The following OMD variants were observed in gnomAD, a reference collection of about 807,000 sequenced individuals.
OMD encodes the protein KSPG osteomodulin.
A neutral mutation model predicts 31.2 loss-of-function variants in OMD; 19 were observed. The ratio of observed to expected loss-of-function variants is 0.61; its 90% CI spans 0.42 to 0.89. OMD has a LOEUF of 0.89. Among genes scored for constraint, OMD ranks in the 40% least tolerant of loss-of-function variants. The pLI is 0.00. For synonymous variants in OMD, 155 were observed against 166.4 expected, an observed-to-expected ratio of 0.93 and a Z score of 0.53; for missense variants, 448 against 490.8, an observed-to-expected ratio of 0.91 and a Z score of 0.82.
rs536987656 is a variant in OMD, at chr9:92,415,233, A to T, written c.1185T>A (p.Asp395Glu). Residue 395 changes from aspartate (D) to glutamate (E), a missense_variant, in exon 3 of 3, where the codon GAT (aspartate) becomes GAA (glutamate). Coordinates refer to ENST00000375550, the MANE Select transcript of OMD (RefSeq NM_005014.3). ...CTGGGCTCTCATGAGCATTGTCAGG[A>T]TCATCGTGATCTTCACTTTCATCAT... ...DDDDESEDHD[D>E]PDNAHESPEQ... 28 of 1,613,794 alleles carry T rather than the reference A, an allele frequency of 1.7e-5. No homozygotes were observed. In the South Asian group the frequency reaches 2.1e-4, roughly 12 times the overall value.
In OMD at chr9:92,414,575, C is replaced by G. The variant is rs1468667275; in HGVS notation, c.*577G>C. On this transcript the variant is annotated 3_prime_UTR_variant, in exon 3 of 3. Transcript: ENST00000375550. Reference sequence around the variant, plus strand: ...CTTGGGTCCTTAGTACCTGGATGGCCTCTTACAAATCAAAAATATCATTCT... The same window carrying G: ...CTTGGGTCCTTAGTACCTGGATGGCGTCTTACAAATCAAAAATATCATTCT... 1 of 209,140 alleles carries G rather than the reference C, an allele frequency of 4.8e-6. No individual in the cohort carries two copies. Among genetic ancestry groups the G allele is most frequent in the African/African-American group, 2.3e-5 (1 of 43,960 alleles). The allele number at this position is 209,140 out of a possible 1,614,324, so 13.0% of individuals were successfully genotyped here.
intron 2 of OMD, among the ~76,000 whole-genome samples, chr9:92,416,068 A>ATATATTTATTTATT (rs1275784821): frequency 1.5e-5 from 2 of 136,998 alleles, no homozygotes; most frequent in East Asian, 2.1e-4. Flanking sequence ...GTATATATAT[A>ATATATTTATTTATT]TATTTATTTA....
rs1843527039 is a variant in OMD, at chr9:92,414,375, A to C, written c.*777T>G. 1 of 201,860 alleles carries C rather than the reference A, an allele frequency of 5.0e-6. No homozygotes were observed. Among genetic ancestry groups the C allele is most frequent in the Admixed American group, 6.0e-5 (1 of 16,702 alleles). The allele number at this position is 201,860 out of a possible 1,614,324, so 12.5% of individuals were successfully genotyped here. A position where few individuals can be genotyped will look rare whatever the true frequency, so the allele number is the denominator to read the frequency against. On this transcript the variant is annotated 3_prime_UTR_variant, in exon 3 of 3. Transcript: ENST00000375550. ...TGGTTGTATTTTTACAAAAACATTT[A>C]TCCCAGTTAAAATGGAACACAATAA...
rs769744070 is a variant in OMD at position 92,416,877 on chromosome 9, G to A, written c.682C>T (p.Pro228Ser). Reference sequence around the variant, plus strand: ...ATAAGTGAAGAAGGCAAACCAGGAGGCATTGATTCTAATCTGTTACTGCAG... The same window carrying A: ...ATAAGTGAAGAAGGCAAACCAGGAGACATTGATTCTAATCTGTTACTGCAG... ...NLCSNRLESM[P>S]PGLPSSLMYL... The change falls in exon 2 of 3, where the codon CCT becomes TCT. Residue 228 changes from proline (P) to serine (S), a missense_variant. Transcript: ENST00000375550. 1 of 1,613,930 alleles carries A rather than the reference G, an allele frequency of 6.2e-7. No individual in the cohort carries two copies. Among genetic ancestry groups the A allele is most frequent in the Admixed American group, 1.7e-5 (1 of 60,022 alleles).
intron 1 of OMD, among the ~76,000 whole-genome samples, chr9:92,420,375 T>G (rs1209865366): frequency 6.6e-6 from 1 of 152,198 alleles, no homozygotes; most frequent in Non-Finnish European, 1.5e-5. Flanking sequence ...ACTTTCTGGC[T>G]CCTTCAATCT....
At chr9:92,418,053 C>T (rs966517767) in intron 1 of OMD, among the ~76,000 whole-genome samples, 45 of 150,712 alleles carry the variant, frequency 3.0e-4, no homozygotes, top group Non-Finnish European at 4.4e-4. Flanking sequence ...TGTTTAAGTA[C>T]AAATGAAGTG....
Position 92,417,065 on chromosome 9 carries a change from T to C in OMD, c.494A>G (p.Glu165Gly). 1 of 1,613,986 alleles carries C rather than the reference T, an allele frequency of 6.2e-7. No individual in the cohort carries two copies. The highest frequency in any genetic ancestry group is 1.1e-5 in the South Asian group (1 of 91,078). Residue 165 changes from glutamate to glycine, a missense_variant, in exon 2 of 3, where the codon GAA becomes GGA. Transcript: ENST00000375550. ...TTCATTGTAACCAAGAAGGAGTCTT[T>C]CCAGAGATTTAGGAAGAGGAAATGG... ...EFPFPLPKSL[E>G]RLLLGYNEIS... is the part of the protein sequence containing the mutation.
rs771234753 is a variant in OMD, at chr9:92,415,293, T to C, written c.1125A>G (p.Leu375=). The change falls in exon 3 of 3, where the codon CTA becomes CTG. Residue 375 remains leucine (L), a synonymous_variant. Coordinates refer to ENST00000375550, the MANE Select transcript of OMD (RefSeq NM_005014.3). ...QRSTNGQTIQ[L]KTQVFRRFPD... ...GAAATCTCCTGAAAACTTGTGTCTT[T>C]AGTTGTATTGTTTGACCATTAGTGC... 5.6e-6 allele frequency: 9 copies of C among 1,613,786 alleles called. No homozygotes were observed. Among genetic ancestry groups the C allele is most frequent in the Non-Finnish European group, 7.6e-6 (9 of 1,179,818 alleles).
rs956435342 is a variant in OMD at position 92,415,855 on chromosome 9, A to G, written c.941-378T>C. On this transcript the variant is annotated intron_variant, in intron 2 of 2. Transcript: ENST00000375550. Reference sequence around the variant, plus strand: ...TATACATATATATAAAAAAATATATATATATAAAATTATATATTTCTTCTT... The same window carrying G: ...TATACATATATATAAAAAAATATATGTATATAAAATTATATATTTCTTCTT... Among the ~76,000 whole-genome samples the G allele has an allele frequency of 6.8e-5, 10 of 146,444 alleles. 2 individuals are homozygous for G. The highest frequency in any genetic ancestry group is 2.1e-4 in the South Asian group (1 of 4,772).
At chr9:92,420,617 T>C (rs541030251) in intron 1 of OMD, among the ~76,000 whole-genome samples, 2 of 152,310 alleles carry the variant, frequency 1.3e-5, no homozygotes, top group Admixed American at 1.3e-4. Context: ...TTATTCCCCA[T>C]TATTGTTTTT....
In OMD at chr9:92,422,000, T is replaced by G. The variant is rs373753827; in HGVS notation, c.-17+2202A>C. 2.1e-4 allele frequency among the ~76,000 whole-genome samples: 32 copies of G among 152,232 alleles called. No individual in the cohort carries two copies. The East Asian group carries it at 3.9e-3, about 18-fold the overall frequency. ...TACATTTTATACTCATTGATGATAT[T>G]TTATGTATAATTTTATAATATTTTA... On this transcript the variant is annotated intron_variant, in intron 1 of 2. Coordinates refer to ENST00000375550, the MANE Select transcript of OMD (RefSeq NM_005014.3).
Position 92,412,671 on chromosome 9 carries a change from G to A in OMD, c.*2481C>T, listed in dbSNP as rs1843476634. 6.6e-6 allele frequency among the ~76,000 whole-genome samples: 1 copy of A among 152,144 alleles called. No individual in the cohort carries two copies. On this transcript the variant is annotated 3_prime_UTR_variant, in exon 3 of 3. Transcript: ENST00000375550. ...TAATGTTTTCAAGGTTATCCATGTT[G>A]TAGCATATGTCAGTGCTTCGTTACT...
At position 92,417,129 on chromosome 9, in the gene OMD, G is replaced by A; in HGVS notation, c.430C>T (p.Leu144=). ...YGVFAKLPNL[L]QLHLEHNNLE... ...TTATTATGCTCTAGATGAAGTTGTA[G>A]TAGATTTGGAAGCTTAGCAAACACA... Residue 144 remains leucine, a synonymous_variant, in exon 2 of 3, where the codon CTA becomes TTA. Coordinates refer to ENST00000375550, the MANE Select transcript of OMD (RefSeq NM_005014.3). 6.2e-7 allele frequency: 1 copy of A among 1,613,820 alleles called. No individual in the cohort carries two copies. The highest frequency in any genetic ancestry group is 1.3e-5 in the African/African-American group (1 of 75,048).
At chr9:92,415,724 C>A (rs1843572087) in intron 2 of OMD, among the ~76,000 whole-genome samples, 1 of 148,766 alleles carries the variant, frequency 6.7e-6, no homozygotes, top group Non-Finnish European at 1.5e-5. Context: ...GTAGAACAAT[C>A]TCAAAAAAAA....
intron 1 of OMD, among the ~76,000 whole-genome samples, chr9:92,422,291 T>C (rs1843830565): frequency 2.0e-5 from 3 of 152,114 alleles, no homozygotes; most frequent in Non-Finnish European, 2.9e-5. Context: ...TGACCTCAGG[T>C]GATCCGCCCA....
chr9:92,420,548 T>C (rs2130967745), intron 1 of OMD, among the ~76,000 whole-genome samples: 1 of 152,306 alleles, frequency 6.6e-6, no homozygotes, highest in Non-Finnish European at 1.5e-5. Context: ...TAGACCATCC[T>C]CCTTCCCTCT....
At chr9:92,420,174 C>T (rs962582747) in intron 1 of OMD, among the ~76,000 whole-genome samples, 2 of 152,144 alleles carry the variant, frequency 1.3e-5, no homozygotes, top group Non-Finnish European at 2.9e-5. Context: ...TTGAGTATTC[C>T]GCACTCAGAC....
chr9:92,420,354 A>T lies in OMD; in HGVS notation c.-16-2780T>A, dbSNP rs377137170. Among the ~76,000 whole-genome samples the T allele has an allele frequency of 1.2e-4, 18 of 152,284 alleles. No individual in the cohort carries two copies. In the East Asian group the frequency reaches 1.9e-3, roughly 16 times the overall value. The stretch of plus-strand genomic sequence containing the variant: ...TTGATCACTATCGTTGCTCTTTTGC[A>T]CATGCCCTAAACTTTCTGGCTCCTT... On this transcript the variant is annotated intron_variant, in intron 1 of 2. Transcript: ENST00000375550.
Position 92,412,393 on chromosome 9 carries a change from A to G in OMD, c.*2759T>C, listed in dbSNP as rs549985781. On this transcript the variant is annotated 3_prime_UTR_variant, in exon 3 of 3. Transcript: ENST00000375550. ...TGAGCCACTGCACCCAGCCTAAAGTATACAATTTAATAGTACTTAGTGTTT... is the reference window on the plus strand; with the variant it reads ...TGAGCCACTGCACCCAGCCTAAAGTGTACAATTTAATAGTACTTAGTGTTT... Among the ~76,000 whole-genome samples, 5 of 152,322 alleles carry G rather than the reference A, an allele frequency of 3.3e-5. No homozygotes were observed. In the South Asian group the frequency reaches 1.0e-3, roughly 32 times the overall value.
Sources: allele counts gnomAD v4.1 joint callset (sites outside exome capture counted in the v4.1 genomes callset), GRCh38; gene constraint gnomAD v4.1.1; transcripts MANE v1.5; gene names NCBI Gene and HGNC (gene_info 2026-07-23, HGNC 2026-07-21).